The following GUCY1A2 variants were observed in gnomAD, a reference collection of about 807,000 sequenced individuals.
GUCY1A2 encodes guanylate cyclase soluble subunit alpha-2.
In GUCY1A2, 27 loss-of-function variants were observed where a neutral mutation model predicts 63.5. The observed-to-expected ratio is 0.43, with a 90% CI of 0.31 to 0.59. The LOEUF is 0.59. Among genes scored for constraint, GUCY1A2 ranks in the 20% least tolerant of loss-of-function variants. The pLI, the probability that GUCY1A2 is intolerant of heterozygous loss-of-function variation, is 0.11. For synonymous variants in GUCY1A2, 364 were observed against 343.5 expected, an observed-to-expected ratio of 1.06 and a Z score of -0.66; for missense variants, 768 against 913.3, an observed-to-expected ratio of 0.84 and a Z score of 2.05.
intron 1 of GUCY1A2, among the ~76,000 whole-genome samples, chr11:106,986,988 G>A (rs955613990): frequency 2.6e-5 from 4 of 152,252 alleles, no homozygotes; most frequent in Admixed American, 2.6e-4. Context: ...GACTTAGAGA[G>A]CCATGAATGG....
intron 2 of GUCY1A2, among the ~76,000 whole-genome samples, chr11:106,985,186 T>C (rs1435560630): frequency 2.0e-5 from 3 of 152,244 alleles, no homozygotes; most frequent in Admixed American, 6.5e-5. Flanking sequence ...TACCACAGTT[T>C]GAATCTTGAC....
chr11:106,920,389 C>G (rs1860427218), intron 4 of GUCY1A2, among the ~76,000 whole-genome samples: 1 of 152,044 alleles, frequency 6.6e-6, no homozygotes, highest in Admixed American at 6.6e-5. Context: ...ACTCTTTTGT[C>G]TGTATAAAAT....
chr11:106,703,918 C>A (rs1938626), intron 7 of GUCY1A2, among the ~76,000 whole-genome samples: 17,220 of 151,864 alleles, frequency 0.11, 1,210 homozygotes, highest in African/African-American at 0.2. Flanking sequence ...TTCAATTAAT[C>A]ATGTGATTAA....
intron 5 of GUCY1A2, among the ~76,000 whole-genome samples, chr11:106,805,003 A>C (rs528564941): frequency 1.2e-4 from 18 of 152,030 alleles, no homozygotes; most frequent in Non-Finnish European, 2.5e-4. Flanking sequence ...TAATACTTAC[A>C]TTTCCTTGCC....
intron 4 of GUCY1A2, among the ~76,000 whole-genome samples, chr11:106,847,652 A>C (rs533704458): frequency 3.3e-5 from 5 of 151,646 alleles, no homozygotes; most frequent in Admixed American, 6.6e-5. Flanking sequence ...CAGTGGCACA[A>C]AAAAAAGTAA....
At chr11:107,015,482 G>A (rs1406811243) in intron 1 of GUCY1A2, among the ~76,000 whole-genome samples, 1 of 132,778 alleles carries the variant, frequency 7.5e-6, no homozygotes, top group Non-Finnish European at 1.5e-5. Flanking sequence ...CATGTAAGTT[G>A]TTGAAAATAG....
intron 4 of GUCY1A2, among the ~76,000 whole-genome samples, chr11:106,876,391 A>T (rs1424567666): frequency 1.3e-5 from 2 of 151,194 alleles, no homozygotes; most frequent in Non-Finnish European, 3.0e-5. Flanking sequence ...ATTGTAAAAA[A>T]ATTAATAATT....
intron 3 of GUCY1A2, among the ~76,000 whole-genome samples, chr11:106,943,301 G>C (rs1044948740): frequency 6.6e-5 from 10 of 152,154 alleles, no homozygotes; most frequent in Non-Finnish European, 1.0e-4. Context: ...GAAACATATA[G>C]ACAATGCTAA....
intron 4 of GUCY1A2, among the ~76,000 whole-genome samples, chr11:106,862,987 A>C (rs1859534203): frequency 6.6e-6 from 1 of 152,050 alleles, no homozygotes; most frequent in African/African-American, 2.4e-5. Flanking sequence ...ATCATCTGTG[A>C]CCTGGGACAG....
chr11:106,843,617 T>C (rs1859231090), intron 4 of GUCY1A2, among the ~76,000 whole-genome samples: 1 of 151,926 alleles, frequency 6.6e-6, no homozygotes, highest in Admixed American at 6.6e-5. Flanking sequence ...TACTATACTT[T>C]ATTGATAAAG....
intron 6 of GUCY1A2, among the ~76,000 whole-genome samples, chr11:106,761,273 A>G (rs1378369057): frequency 6.6e-6 from 1 of 152,184 alleles, no homozygotes; most frequent in Non-Finnish European, 1.5e-5. Flanking sequence ...CCAACTTTTA[A>G]AAGCTTACAA....
intron 4 of GUCY1A2, among the ~76,000 whole-genome samples, chr11:106,840,155 G>T (rs1393313047): frequency 2.0e-5 from 3 of 151,764 alleles, no homozygotes; most frequent in East Asian, 1.9e-4. Flanking sequence ...AAGAAATAAG[G>T]TATCTCTCAT....
At chr11:106,783,716 G>C (rs555963879) in intron 5 of GUCY1A2, among the ~76,000 whole-genome samples, 1 of 152,060 alleles carries the variant, frequency 6.6e-6, no homozygotes, top group Non-Finnish European at 1.5e-5. Context: ...CTGAAGTAGA[G>C]GTTTGTTCAA....
intron 4 of GUCY1A2, among the ~76,000 whole-genome samples, chr11:106,849,446 T>A (rs1320746756): frequency 1.3e-5 from 2 of 151,244 alleles, no homozygotes; most frequent in East Asian, 3.9e-4. Flanking sequence ...ATTACAAGGT[T>A]CAAAGGAGGT....
intron 6 of GUCY1A2, among the ~76,000 whole-genome samples, chr11:106,745,421 GTAT>G (rs1863770927): frequency 1.3e-5 from 2 of 152,146 alleles, no homozygotes; most frequent in Middle Eastern, 3.2e-3. Context: ...ATACCACTGT[GTAT>G]TATAACTCTC....
intron 4 of GUCY1A2, among the ~76,000 whole-genome samples, chr11:106,879,812 C>A (rs911583202): frequency 7.9e-5 from 12 of 152,090 alleles, no homozygotes; most frequent in African/African-American, 2.9e-4. Flanking sequence ...AGTCCCTTCA[C>A]TGAGCCATGA....
intron 3 of GUCY1A2, among the ~76,000 whole-genome samples, chr11:106,974,212 G>A (rs536090449): frequency 5.9e-4 from 90 of 152,090 alleles, no homozygotes; most frequent in African/African-American, 2.2e-3. Flanking sequence ...CCAAGTTATA[G>A]TAACAAGAAC....
chr11:106,985,082 C>T (rs1446935265), intron 2 of GUCY1A2, among the ~76,000 whole-genome samples: 6 of 152,018 alleles, frequency 3.9e-5, no homozygotes, highest in Non-Finnish European at 7.4e-5. Context: ...AAAAAAATCA[C>T]ACTATACCGT....
At chr11:106,925,873 G>T (rs1860514750) in intron 4 of GUCY1A2, among the ~76,000 whole-genome samples, 1 of 152,142 alleles carries the variant, frequency 6.6e-6, no homozygotes, top group South Asian at 2.1e-4. Context: ...ATTGGGGAAT[G>T]AAATGTCTTA....
Sources: allele counts gnomAD v4.1 joint callset (sites outside exome capture counted in the v4.1 genomes callset), GRCh38; gene constraint gnomAD v4.1.1; transcripts MANE v1.5; gene names NCBI Gene and HGNC (gene_info 2026-07-23, HGNC 2026-07-21).